CDC73: variants seen among roughly 807,000 people sequenced by gnomAD.
The protein encoded by CDC73 is cell division cycle 73.
CDC73 carries 21 observed loss-of-function variants against 83.7 expected under a neutral mutation model. The observed-to-expected ratio is 0.25, with a 90% CI of 0.18 to 0.36. The LOEUF (loss-of-function observed/expected upper bound fraction) is 0.36. Ranked by LOEUF, CDC73 falls within the 10% of genes least tolerant of loss-of-function variation. The probability of loss-of-function intolerance (pLI) is 1.00; values close to 1 mark genes in which losing one functional copy is unlikely to be tolerated. For synonymous variants in CDC73, 224 were observed against 212.9 expected, an observed-to-expected ratio of 1.05 and a Z score of -0.45; for missense variants, 342 against 653.3, an observed-to-expected ratio of 0.52 and a Z score of 5.19.
At chr1:193,166,804 C>T (rs995362331) in intron 10 of CDC73, among the ~76,000 whole-genome samples, 19 of 152,066 alleles carry the variant, frequency 1.2e-4, no homozygotes, top group African/African-American at 3.4e-4. Context: ...TGCGCCACCA[C>T]GCCCGGCTAT....
At chr1:193,190,429 A>G (rs6428156) in intron 10 of CDC73, among the ~76,000 whole-genome samples, 94,862 of 152,036 alleles carry the variant, frequency 0.62, 30,052 homozygotes, top group South Asian at 0.77. Context: ...TCAAATGTTT[A>G]TTAAAAGCTT....
intron 11 of CDC73, among the ~76,000 whole-genome samples, chr1:193,211,681 GAGCA>G (rs1677283056): frequency 6.6e-6 from 1 of 152,214 alleles, no homozygotes; most frequent in African/African-American, 2.4e-5. Flanking sequence ...GCTGGACAAA[GAGCA>G]TTCACATCCT....
chr1:193,135,330 A>G, intron 3 of CDC73, 61 bp from the exon 4 acceptor site: 2 of 1,308,628 alleles, frequency 1.5e-6, no homozygotes, highest in Non-Finnish European at 2.2e-6. Context: ...TTTCACTTGT[A>G]ATAATATCCA....
intron 13 of CDC73, among the ~76,000 whole-genome samples, chr1:193,229,046 T>G (rs772743281): frequency 6.6e-6 from 1 of 152,158 alleles, no homozygotes; most frequent in Admixed American, 6.5e-5. Context: ...AAGTAAAAAT[T>G]AAAATGATGT....
At chr1:193,163,184 T>G (rs1676372721) in intron 10 of CDC73, among the ~76,000 whole-genome samples, 1 of 151,664 alleles carries the variant, frequency 6.6e-6, no homozygotes, top group African/African-American at 2.4e-5. Flanking sequence ...TGTGGGTGTG[T>G]GTGTATATTT....
intron 10 of CDC73, among the ~76,000 whole-genome samples, chr1:193,200,936 G>A (rs899873355): frequency 1.3e-5 from 2 of 152,078 alleles, no homozygotes; most frequent in Non-Finnish European, 2.9e-5. Context: ...TAGCCTCTTG[G>A]GTGGTGTTGG....
intron 11 of CDC73, among the ~76,000 whole-genome samples, chr1:193,209,281 G>C (rs192894924): frequency 2.6e-4 from 40 of 152,336 alleles, no homozygotes; most frequent in African/African-American, 9.4e-4. Context: ...GGTAGTAGTA[G>C]AAGTGGCAGC....
At chr1:193,124,896 T>G (rs1033983070) in intron 1 of CDC73, among the ~76,000 whole-genome samples, 1 of 152,224 alleles carries the variant, frequency 6.6e-6, no homozygotes, top group Non-Finnish European at 1.5e-5. Context: ...AGAGTATGAA[T>G]TTTTTGTATT....
intron 13 of CDC73, among the ~76,000 whole-genome samples, chr1:193,230,324 T>C (rs924146505): frequency 6.6e-6 from 1 of 151,978 alleles, no homozygotes; most frequent in East Asian, 1.9e-4. Context: ...AATTTTTGTA[T>C]ATTTAGTAGA....
At chr1:193,240,137 T>C (rs7556241) in intron 15 of CDC73, among the ~76,000 whole-genome samples, 6,294 of 152,262 alleles carry the variant, frequency 0.041, 418 homozygotes, top group African/African-American at 0.14. Context: ...GCCTGGTTTC[T>C]TTCACTTAAT....
At chr1:193,172,567 C>T (rs1676533936) in intron 10 of CDC73, among the ~76,000 whole-genome samples, 1 of 152,066 alleles carries the variant, frequency 6.6e-6, no homozygotes, top group Non-Finnish European at 1.5e-5. Context: ...ATGAAGAGTT[C>T]TCTTTCAGTT....
At chr1:193,177,153 T>A (rs1177116895) in intron 10 of CDC73, among the ~76,000 whole-genome samples, 5 of 151,908 alleles carry the variant, frequency 3.3e-5, no homozygotes, top group Non-Finnish European at 7.4e-5. Flanking sequence ...GGACAGACCA[T>A]TTTTGCTCAG....
intron 10 of CDC73, among the ~76,000 whole-genome samples, chr1:193,186,996 CTTCTT>C (rs1294805548): frequency 6.8e-6 from 1 of 147,048 alleles, no homozygotes; most frequent in Non-Finnish European, 1.5e-5. Flanking sequence ...AGTGCATTCT[CTTCTT>C]GAAGTTTTTT....
intron 15 of CDC73, among the ~76,000 whole-genome samples, chr1:193,244,638 A>G (rs917267757): frequency 6.6e-6 from 1 of 152,334 alleles, no homozygotes; most frequent in Admixed American, 6.5e-5. Flanking sequence ...AGGACATTCC[A>G]TGCTTGCTTC....
intron 2 of CDC73, among the ~76,000 whole-genome samples, chr1:193,127,163 A>C (rs1357990678): frequency 6.6e-6 from 1 of 152,004 alleles, no homozygotes; most frequent in Non-Finnish European, 1.5e-5. Context: ...CCAGCTGGCT[A>C]CTCAAGGGGC....
intron 14 of CDC73, 23 bp from the exon 15 acceptor site, chr1:193,236,229 TCCCC>T: frequency 7.1e-7 from 1 of 1,412,950 alleles, no homozygotes; most frequent in Non-Finnish European, 1.0e-6. Flanking sequence ...GTCCCCTACC[TCCCC>T]CCACCCACTT....
chr1:193,186,991 A>G (rs762476868), intron 10 of CDC73, among the ~76,000 whole-genome samples: 1 of 147,628 alleles, frequency 6.8e-6, no homozygotes, highest in Non-Finnish European at 1.5e-5. Flanking sequence ...CCTTCAGTGC[A>G]TTCTCTTCTT....
At chr1:193,219,953 ACAAAG>A (rs1296516884) in intron 13 of CDC73, among the ~76,000 whole-genome samples, 5 of 152,182 alleles carry the variant, frequency 3.3e-5, no homozygotes, top group African/African-American at 1.2e-4. Flanking sequence ...ATAATCCAGA[ACAAAG>A]CAAAGTCTTC....
intron 11 of CDC73, among the ~76,000 whole-genome samples, chr1:193,211,116 G>A (rs1024231099): frequency 7.9e-5 from 12 of 152,256 alleles, no homozygotes; most frequent in Middle Eastern, 3.4e-3. Context: ...GCCTGGCATT[G>A]TAATACAGTA....
Sources: gnomAD v4.1 joint callset for allele counts (sites outside exome capture counted in the v4.1 genomes callset) on GRCh38, gnomAD v4.1.1 for gene constraint, MANE v1.5 for transcripts, NCBI Gene and HGNC (gene_info 2026-07-23, HGNC 2026-07-21) for gene names.